The following WWOX variants were observed in gnomAD, a reference collection of about 807,000 sequenced individuals.
WWOX encodes the protein WW domain-containing oxidoreductase.
A neutral mutation model predicts 46.2 loss-of-function variants in WWOX; 69 were observed. The observed-to-expected ratio is 1.49, with a 90% CI of 1.23 to 1.82. WWOX has a LOEUF of 1.82. Ranked by LOEUF, WWOX falls within the 40% of genes most tolerant of loss-of-function variation. The probability of loss-of-function intolerance (pLI) is 0.00; values close to 1 mark genes in which losing one functional copy is unlikely to be tolerated. For synonymous variants in WWOX, 359 were observed against 202.6 expected (o/e 1.77, Z -6.56); for missense variants, 919 against 542.6 (o/e 1.69, Z -6.89).
At chr16:78,621,592 C>CTTTTCTTTTTTTTTTTTTTTT (rs2046184654) in intron 8 of WWOX, among the ~76,000 whole-genome samples, 1 of 31,512 alleles carries the variant, frequency 3.2e-5, no homozygotes, top group Non-Finnish European at 5.9e-5. Context: ...TTGTTCTAAT[C>CTTTTCTTTTTTTTTTTTTTTT]TTTTTTTTTT....
At chr16:78,253,592 A>T (rs190640482) in intron 5 of WWOX, among the ~76,000 whole-genome samples, 16 of 152,322 alleles carry the variant, frequency 1.1e-4, no homozygotes, top group Non-Finnish European at 1.8e-4. Context: ...CATGAATGCC[A>T]TGATTTCACA....
intron 8 of WWOX, among the ~76,000 whole-genome samples, chr16:78,544,300 T>C (rs113633288): frequency 0.06 from 9,162 of 152,274 alleles, 437 homozygotes; most frequent in Non-Finnish European, 0.089. Context: ...ATTAATAAAA[T>C]CCAACTCCTT....
intron 5 of WWOX, among the ~76,000 whole-genome samples, chr16:78,319,446 G>T (rs1362024258): frequency 6.6e-6 from 1 of 151,934 alleles, no homozygotes. Flanking sequence ...ATTTTTAGTA[G>T]AGGTGGGGTT....
chr16:78,547,152 AAAAAAAAC>A (rs2044058715), intron 8 of WWOX, among the ~76,000 whole-genome samples: 1 of 119,946 alleles, frequency 8.3e-6, no homozygotes, highest in African/African-American at 2.7e-5. Context: ...AAAAAAAAAA[AAAAAAAAC>A]AACTACCAGG....
intron 5 of WWOX, among the ~76,000 whole-genome samples, chr16:78,185,560 G>C (rs1008464649): frequency 5.3e-5 from 8 of 152,078 alleles, no homozygotes; most frequent in African/African-American, 1.7e-4. Flanking sequence ...TTACTTCCCA[G>C]GGTGGTGCAT....
At chr16:78,966,658 T>A (rs996689633) in intron 8 of WWOX, among the ~76,000 whole-genome samples, 1 of 152,298 alleles carries the variant, frequency 6.6e-6, no homozygotes, top group East Asian at 1.9e-4. Flanking sequence ...TTTCTTAAGA[T>A]TACATTTTCA....
chr16:78,886,828 C>G (rs375907762), intron 8 of WWOX, among the ~76,000 whole-genome samples: 1 of 152,122 alleles, frequency 6.6e-6, no homozygotes, highest in African/African-American at 2.4e-5. Flanking sequence ...TATTCAGAGT[C>G]CTTCCTTCTT....
intron 5 of WWOX, among the ~76,000 whole-genome samples, chr16:78,227,528 C>G (rs2037104371): frequency 6.6e-6 from 1 of 152,114 alleles, no homozygotes; most frequent in African/African-American, 2.4e-5. Flanking sequence ...ATGTATGTGT[C>G]CACTGGACTT....
At chr16:78,602,615 A>G (rs2045648071) in intron 8 of WWOX, among the ~76,000 whole-genome samples, 1 of 152,102 alleles carries the variant, frequency 6.6e-6, no homozygotes, top group Middle Eastern at 3.2e-3. Flanking sequence ...GATAAACTGA[A>G]ATCTAAAGTA....
At chr16:78,168,563 A>C (rs1325941523) in intron 5 of WWOX, 1 of 151,530 alleles carries the variant, frequency 6.6e-6, no homozygotes, top group East Asian at 1.9e-4. Context: ...TGGCTTCCAA[A>C]CTCCAAGTCT....
intron 8 of WWOX, among the ~76,000 whole-genome samples, chr16:78,568,252 A>G (rs1206678536): frequency 6.6e-6 from 1 of 152,058 alleles, no homozygotes; most frequent in African/African-American, 2.4e-5. Context: ...TTTAGAAAAT[A>G]TATGAGGTAC....
At chr16:79,173,334 A>G (rs905558737) in intron 8 of WWOX, among the ~76,000 whole-genome samples, 3 of 152,140 alleles carry the variant, frequency 2.0e-5, no homozygotes, top group Non-Finnish European at 2.9e-5. Flanking sequence ...AACACTTTGT[A>G]TGTTTGGGGT....
intron 5 of WWOX, among the ~76,000 whole-genome samples, chr16:78,197,909 A>T (rs1312946423): frequency 2.7e-5 from 4 of 148,356 alleles, no homozygotes; most frequent in African/African-American, 7.4e-5. Flanking sequence ...TAGGTCACAT[A>T]CTCCTCCTCC....
chr16:78,963,447 G>T (rs200021263), intron 8 of WWOX, among the ~76,000 whole-genome samples: 2 of 152,124 alleles, frequency 1.3e-5, no homozygotes, highest in African/African-American at 4.8e-5. Context: ...CAACTTGGGC[G>T]ACAGAGTAAT....
chr16:78,629,475 C>G (rs755575726), intron 8 of WWOX, among the ~76,000 whole-genome samples: 15 of 152,328 alleles, frequency 9.8e-5, no homozygotes, highest in Non-Finnish European at 1.8e-4. Flanking sequence ...AAATAGAAAT[C>G]TGATCTTGCC....
chr16:79,012,346 C>T (rs1286298115), intron 8 of WWOX, among the ~76,000 whole-genome samples: 1 of 152,110 alleles, frequency 6.6e-6, no homozygotes, highest in African/African-American at 2.4e-5. Flanking sequence ...AATTCTCCTA[C>T]CTCAGCCTCC....
chr16:79,084,848 A>T (rs999001505), intron 8 of WWOX, among the ~76,000 whole-genome samples: 3 of 152,150 alleles, frequency 2.0e-5, no homozygotes, highest in Admixed American at 1.3e-4. Context: ...TACTGATTCA[A>T]CCTTTCATTT....
chr16:79,048,606 G>T (rs1406345155), intron 8 of WWOX, among the ~76,000 whole-genome samples: 1 of 152,152 alleles, frequency 6.6e-6, no homozygotes, highest in Non-Finnish European at 1.5e-5. Context: ...GTATGCTAAA[G>T]AATGTGTTGT....
chr16:79,191,753 C>T (rs545952907), intron 8 of WWOX, among the ~76,000 whole-genome samples: 4 of 152,294 alleles, frequency 2.6e-5, no homozygotes, highest in Admixed American at 6.5e-5. Context: ...AGTGGAGCCT[C>T]AAGCTCAGGG....
Sources: gnomAD v4.1 joint callset for allele counts (sites outside exome capture counted in the v4.1 genomes callset) on GRCh38, gnomAD v4.1.1 for gene constraint, MANE v1.5 for transcripts, NCBI Gene and HGNC (gene_info 2026-07-23, HGNC 2026-07-21) for gene names.